Variants in ADPGK observed in about 807,000 individuals in gnomAD.
ADPGK encodes the protein ADP dependent glucokinase.
A neutral mutation model predicts 42.4 loss-of-function variants in ADPGK; 26 were observed. That is an observed-to-expected ratio of 0.61 (90% CI 0.45 to 0.85). The LOEUF (loss-of-function observed/expected upper bound fraction) is 0.85. Ranked by LOEUF, ADPGK falls within the 40% of genes least tolerant of loss-of-function variation. ADPGK has a pLI of 0.00. For synonymous variants in ADPGK, 267 were observed against 252.6 expected (o/e 1.06, Z -0.54); for missense variants, 571 against 627.0 (o/e 0.91, Z 0.95).
intron 4 of ADPGK, chr15:72,757,779 C>A: frequency 3.8e-6 from 1 of 261,722 alleles, no homozygotes; most frequent in Admixed American, 5.0e-5. Flanking sequence ...TTGACATTCT[C>A]CAGAGAGCAA....
chr15:72,775,215 CT>C, intron 1 of ADPGK, 118 bp from the exon 2 acceptor site: 1 of 813,964 alleles, frequency 1.2e-6, no homozygotes, highest in Admixed American at 2.3e-5. Context: ...GGAAGTAGGT[CT>C]GAAACCTGAA....
chr15:72,757,811 T>G, intron 4 of ADPGK: 1 of 352,120 alleles, frequency 2.8e-6, no homozygotes, highest in South Asian at 3.9e-5. Context: ...AACCCTTGAA[T>G]AGTGACACTG....
chr15:72,771,118 C>T (rs767870282), intron 3 of ADPGK, among the ~76,000 whole-genome samples: 1 of 152,186 alleles, frequency 6.6e-6, no homozygotes, highest in Non-Finnish European at 1.5e-5. Context: ...AGGAAAACAG[C>T]GATAACTTTC....
Position 72,783,565 on chromosome 15 carries a change from G to T in ADPGK, c.127C>A (p.Pro43Thr). The change falls in exon 1 of 7, where the codon CCC becomes ACC. Residue 43 changes from proline to threonine, a missense_variant. Pro to Thr is a conservative substitution (Grantham distance 38). This residue lies in a region of ADPGK where 137 missense variants were observed against 104.2 expected (regional missense o/e 1.31). Coordinates refer to ENST00000456471, the MANE Select transcript of ADPGK (RefSeq NM_001365225.1). ...RSLWSSLCLG[P>T]APAPPGPVSP... ...ACGGGTCCCGGGGGCGCAGGCGCGG[G>T]CCCCAGACACAGCGAGCTCCAGAGA... 6.6e-7 allele frequency: 1 copy of T among 1,509,354 alleles called. No homozygotes were observed. Among genetic ancestry groups the T allele is most frequent in the Non-Finnish European group, 8.8e-7 (1 of 1,136,964 alleles). 93.5% of individuals were successfully genotyped at this position (1,509,354 alleles called of 1,614,324 possible). A position where few individuals can be genotyped will look rare whatever the true frequency, so the allele number is the denominator to read the frequency against.
Position 72,760,406 on chromosome 15 carries a change from C to T in ADPGK, c.643+1G>A, listed in dbSNP as rs1481299823. On this transcript the variant is annotated splice_donor_variant, in intron 4 of 6. Coordinates refer to ENST00000456471, the MANE Select transcript of ADPGK (RefSeq NM_001365225.1). LOFTEE classifies it high-confidence loss of function. ...CCACCATTACTTACTCATTTCCTTA[C>T]CTGCTTGATACTCTAAAATGAGGTG... 3 of 1,593,990 alleles carry T rather than the reference C, an allele frequency of 1.9e-6. No individual in the cohort carries two copies. Among genetic ancestry groups the T allele is most frequent in the Non-Finnish European group, 2.6e-6 (3 of 1,165,038 alleles).
Position 72,783,724 on chromosome 15 carries a change from C to G in ADPGK, c.-33G>C. On this transcript the variant is annotated 5_prime_UTR_variant, in exon 1 of 7. Coordinates refer to ENST00000456471, the MANE Select transcript of ADPGK (RefSeq NM_001365225.1). ...CAGGCGCCGCACCTGCGCGAACCAA[C>G]TCCTTTCCTAGCCCGCGCCTCTTCC... is the stretch of plus-strand genomic sequence containing the variant. 7.0e-7 allele frequency: 1 copy of G among 1,428,514 alleles called. No individual in the cohort carries two copies. The highest frequency in any genetic ancestry group is 9.1e-7 in the Non-Finnish European group (1 of 1,096,190). 88.5% of individuals were successfully genotyped at this position (1,428,514 alleles called of 1,614,324 possible). A position where few individuals can be genotyped will look rare whatever the true frequency, so the allele number is the denominator to read the frequency against.
intron 3 of ADPGK, among the ~76,000 whole-genome samples, chr15:72,763,160 T>C (rs1442353932): frequency 6.6e-6 from 1 of 152,132 alleles, no homozygotes. Flanking sequence ...TATGTTTTTA[T>C]ATTTTTTTGA....
chr15:72,773,282 A>C (rs997508533), intron 2 of ADPGK, among the ~76,000 whole-genome samples: 1 of 152,214 alleles, frequency 6.6e-6, no homozygotes, highest in Non-Finnish European at 1.5e-5. Context: ...GTGCTGACTA[A>C]CCTCTGAATT....
At chr15:72,755,705 G>A (rs1390292082) in intron 5 of ADPGK, 51 bp from the exon 6 acceptor site, 2 of 1,400,814 alleles carry the variant, frequency 1.4e-6, no homozygotes, top group South Asian at 1.2e-5. Flanking sequence ...AGGAAGTCAA[G>A]AAAGAGGGAA....
At chr15:72,752,995 G>A (rs561569995) in intron 6 of ADPGK, 100 bp from the exon 7 acceptor site, 2 of 1,260,544 alleles carry the variant, frequency 1.6e-6, no homozygotes, top group South Asian at 3.1e-5. Flanking sequence ...AACACAGGCA[G>A]GCAGCTTTCT....
chr15:72,783,551 G>C lies in ADPGK; in HGVS notation c.141C>G (p.Pro47=). Reference sequence around the variant, plus strand: ...GGCCCTCGGGGGAGACGGGTCCCGGGGGCGCAGGCGCGGGCCCCAGACACA... The same window carrying C: ...GGCCCTCGGGGGAGACGGGTCCCGGCGGCGCAGGCGCGGGCCCCAGACACA... The part of the protein sequence containing the change: ...SSLCLGPAPA[P]PGPVSPEGRL... The change falls in exon 1 of 7, where the codon CCC becomes CCG. Residue 47 remains proline (P), a synonymous_variant. Transcript: ENST00000456471. 1 of 1,497,558 alleles carries C rather than the reference G, an allele frequency of 6.7e-7. No individual in the cohort carries two copies. The highest frequency in any genetic ancestry group is 2.3e-4 in the Middle Eastern group (1 of 4,384). 92.8% of individuals were successfully genotyped at this position (1,497,558 alleles called of 1,614,324 possible). A position where few individuals can be genotyped will look rare whatever the true frequency, so the allele number is the denominator to read the frequency against.
At chr15:72,769,275 TC>T (rs1214299142) in intron 3 of ADPGK, among the ~76,000 whole-genome samples, 1 of 152,190 alleles carries the variant, frequency 6.6e-6, no homozygotes, top group Non-Finnish European at 1.5e-5. Flanking sequence ...CACAATAACC[TC>T]AGTAAATGCA....
Position 72,756,268 on chromosome 15 carries a change from T to C in ADPGK, c.823A>G (p.Arg275Gly). Residue 275 changes from arginine (R) to glycine (G), a missense_variant, in exon 5 of 7, where the codon AGG (arginine) becomes GGG (glycine). By Grantham distance (125) the Arg-to-Gly change is moderately radical (BLOSUM62 -2). Around this residue, in one of 2 missense-constraint regions of ADPGK, gnomAD observed 434 missense variants for 522.7 expected, o/e 0.83. Coordinates refer to ENST00000456471, the MANE Select transcript of ADPGK (RefSeq NM_001365225.1). ...GCCATTACCTCCAAGAGTCTCTTCC[T>C]CTGGAGCTCCTTGCTTTGTCCCTCC... ...MMEGQSKELQRKRLLEVVTSI... is the reference protein window; with the variant it reads ...MMEGQSKELQGKRLLEVVTSI... The C allele has an allele frequency of 6.2e-7, 1 of 1,614,218 alleles. No homozygotes were observed. Among genetic ancestry groups the C allele is most frequent in the South Asian group, 1.1e-5 (1 of 91,086 alleles).
chr15:72,756,661 T>C (rs972302338), intron 4 of ADPGK: 2 of 585,786 alleles, frequency 3.4e-6, no homozygotes, highest in Admixed American at 3.0e-5. Flanking sequence ...AACAGAAACA[T>C]AGTATGGGTG....
intron 5 of ADPGK, 149 bp from the exon 6 acceptor site, chr15:72,755,803 C>A (rs888302228): frequency 2.4e-5 from 16 of 659,006 alleles, no homozygotes; most frequent in Non-Finnish European, 4.4e-5. Flanking sequence ...GGGTCCCCAC[C>A]ACCTCTGTGG....
intron 1 of ADPGK, chr15:72,783,194 AAAGGT>A: frequency 4.1e-6 from 5 of 1,214,106 alleles, no homozygotes; most frequent in Non-Finnish European, 4.1e-6. Context: ...AGGCTCGGAG[AAAGGT>A]GTCAGACAAA....
rs2066178795 is a variant in ADPGK at position 72,760,508 on chromosome 15, A to G, written c.542T>C (p.Val181Ala). 1 of 1,605,362 alleles carries G rather than the reference A, an allele frequency of 6.2e-7. No homozygotes were observed. The highest frequency in any genetic ancestry group is 1.3e-5 in the African/African-American group (1 of 74,704). Residue 181 changes from valine to alanine, a missense_variant, in exon 4 of 7, where the codon GTT (valine) becomes GCT (alanine). Physicochemically the swap from Val to Ala is moderately conservative, Grantham distance 64 (BLOSUM62 0). This residue lies in a region of ADPGK where 434 missense variants were observed against 522.7 expected (regional missense o/e 0.83). Transcript: ENST00000456471. ...AAGAAGCTCATGTAGCTTTGGACCA[A>G]CTGGACCGCAAAGAAGAACCTGGAG... ...SDLKVLLCGP[V>A]GPKLHELLDD...
At position 72,752,409 on chromosome 15, in the gene ADPGK, T is replaced by C; in HGVS notation, c.1426A>G (p.Thr476Ala). The stretch of plus-strand genomic sequence containing the variant: ...GAAATGGCATCTCCAAGGCCTACAG[T>C]TCGAATGGGGTCTTTACACACCAAT... ...PVLVCKDPIR[T>A]VGLGDAISAE... Residue 476 changes from threonine to alanine, a missense_variant, in exon 7 of 7, where the codon ACT becomes GCT. By Grantham distance (58) the Thr-to-Ala change is moderately conservative (BLOSUM62 0). This residue lies in a region of ADPGK where 434 missense variants were observed against 522.7 expected (regional missense o/e 0.83). Transcript: ENST00000456471. 6.2e-7 allele frequency: 1 copy of C among 1,614,182 alleles called. No individual in the cohort carries two copies. Among genetic ancestry groups the C allele is most frequent in the Non-Finnish European group, 8.5e-7 (1 of 1,180,030 alleles).
chr15:72,778,889 AC>A (rs1031791228), intron 1 of ADPGK, among the ~76,000 whole-genome samples: 47 of 152,116 alleles, frequency 3.1e-4, no homozygotes, highest in African/African-American at 1.1e-3. Context: ...TTTAAGAAGC[AC>A]CCCACGCTAG....
Sources: gnomAD v4.1 joint callset for allele counts (sites outside exome capture counted in the v4.1 genomes callset) on GRCh38, gnomAD v4.1.1 for gene constraint, gnomAD v4.1.1 regional missense constraint, MANE v1.5 for transcripts, NCBI Gene and HGNC (gene_info 2026-07-23, HGNC 2026-07-21) for gene names.